Variants in DTL observed in about 807,000 individuals in gnomAD.
DTL encodes the protein denticleless E3 ubiquitin protein ligase adapter, also known as denticleless protein homolog.
In DTL, 46 loss-of-function variants were observed where a neutral mutation model predicts 87.0. That is an observed-to-expected ratio of 0.53 (90% CI 0.42 to 0.68). The LOEUF (loss-of-function observed/expected upper bound fraction) is 0.68. DTL is among the 30% of genes least tolerant of loss of function. The probability of loss-of-function intolerance (pLI) is 0.00; values close to 1 mark genes in which losing one functional copy is unlikely to be tolerated. For synonymous variants in DTL, 308 were observed against 311.2 expected, an observed-to-expected ratio of 0.99 and a Z score of 0.11; for missense variants, 737 against 869.4, an observed-to-expected ratio of 0.85 and a Z score of 1.91.
chr1:212,093,366 C>G (rs1262379601), intron 13 of DTL, among the ~76,000 whole-genome samples: 1 of 152,210 alleles, frequency 6.6e-6, no homozygotes, highest in Non-Finnish European at 1.5e-5. Context: ...TATTAGACCC[C>G]TGCCTTATCG....
chr1:212,042,454 A>G (rs770227555), intron 1 of DTL, among the ~76,000 whole-genome samples: 10 of 152,370 alleles, frequency 6.6e-5, no homozygotes, highest in Non-Finnish European at 1.2e-4. Flanking sequence ...AATATAATTT[A>G]AGGTACTATA....
At chr1:212,102,763 T>C in intron 14 of DTL, 79 bp from the exon 15 acceptor site, 1 of 984,168 alleles carries the variant, frequency 1.0e-6, no homozygotes, top group South Asian at 1.5e-5. Flanking sequence ...GGCAGCCTAA[T>C]TTAAGGTATG....
chr1:212,057,798 G>A lies in DTL; in HGVS notation c.461-5086G>A, dbSNP rs890901241. 3.3e-5 allele frequency among the ~76,000 whole-genome samples: 5 copies of A among 152,128 alleles called. No individual in the cohort carries two copies. The East Asian group carries it at 5.8e-4, about 18-fold the overall frequency. ...TTGAAAAGTACAGACTGGGCAAATA[G>A]ACAAATGTGACCTAATTATATGCTG... On this transcript the variant is annotated intron_variant, in intron 5 of 14. Coordinates refer to ENST00000366991, the MANE Select transcript of DTL (RefSeq NM_016448.4).
At chr1:212,071,592 T>C (rs1654672345) in intron 10 of DTL, among the ~76,000 whole-genome samples, 1 of 151,704 alleles carries the variant, frequency 6.6e-6, no homozygotes, top group Non-Finnish European at 1.5e-5. Context: ...TTTCACTGAT[T>C]TTTTTTTTCC....
intron 5 of DTL, among the ~76,000 whole-genome samples, chr1:212,048,179 G>C (rs555214724): frequency 6.6e-6 from 1 of 152,124 alleles, no homozygotes; most frequent in South Asian, 2.1e-4. Context: ...TAAATGGCCT[G>C]TTTTTTGTTT....
chr1:212,053,454 A>G (rs905436011), intron 5 of DTL, among the ~76,000 whole-genome samples: 1 of 152,112 alleles, frequency 6.6e-6, no homozygotes, highest in Non-Finnish European at 1.5e-5. Context: ...CAGCCTCCCA[A>G]AATGCTGGGA....
intron 13 of DTL, among the ~76,000 whole-genome samples, chr1:212,094,742 G>T (rs1655392874): frequency 6.6e-6 from 1 of 152,142 alleles, no homozygotes; most frequent in Non-Finnish European, 1.5e-5. Flanking sequence ...AGCGTAGGTT[G>T]TGTTTTTCCA....
chr1:212,064,438 T>C (rs1654432385), intron 6 of DTL, among the ~76,000 whole-genome samples: 1 of 152,192 alleles, frequency 6.6e-6, no homozygotes, highest in African/African-American at 2.4e-5. Flanking sequence ...CTGTGGATAT[T>C]GACAAATGTG....
At chr1:212,065,136 A>G (rs1654452415) in intron 7 of DTL, 107 bp downstream of exon 7, 1 of 840,404 alleles carries the variant, frequency 1.2e-6, no homozygotes. Context: ...CTCATTTGAT[A>G]TCAGTGGTTT....
rs1655682707 is a variant in DTL, at chr1:212,103,407, T to G, written c.*467T>G. On this transcript the variant is annotated 3_prime_UTR_variant, in exon 15 of 15. Transcript: ENST00000366991. ...TCTGTTCTGCCTCCAACATGTATAA[T>G]TTTATTTGAAATACATAATCTTTTC... The G allele has an allele frequency of 6.6e-6, 1 of 152,308 alleles. No homozygotes were observed. 9.4% of individuals were successfully genotyped at this position (152,308 alleles called of 1,614,324 possible).
At chr1:212,038,315 T>C (rs1183382331) in intron 1 of DTL, among the ~76,000 whole-genome samples, 1 of 152,230 alleles carries the variant, frequency 6.6e-6, no homozygotes, top group Non-Finnish European at 1.5e-5. Flanking sequence ...GTACCTGAGA[T>C]TCATTTCTAT....
In DTL at chr1:212,043,062, C is replaced by G; in HGVS notation, c.122C>G (p.Thr41Ser). Residue 41 changes from threonine to serine, a missense_variant, in exon 2 of 15, where the codon ACT becomes AGT. By Grantham distance (58) the Thr-to-Ser change is moderately conservative. Coordinates refer to ENST00000366991, the MANE Select transcript of DTL (RefSeq NM_016448.4). ...CAGTGCAGTGGTAATGATGAACACA[C>G]TTCTTATGGAGAAACAGGAGTCCCA... is the stretch of plus-strand genomic sequence containing the variant. ...GYQCSGNDEH[T>S]SYGETGVPVP... The G allele has an allele frequency of 2.5e-6, 4 of 1,613,326 alleles. No homozygotes were observed. The highest frequency in any genetic ancestry group is 3.4e-6 in the Non-Finnish European group (4 of 1,179,570).
At chr1:212,089,895 A>G (rs2102577286) in intron 13 of DTL, among the ~76,000 whole-genome samples, 2 of 152,320 alleles carry the variant, frequency 1.3e-5, no homozygotes, top group Admixed American at 1.3e-4. Flanking sequence ...TAATCGGCAT[A>G]TTATAGGACT....
At chr1:212,090,910 G>A (rs1655261893) in intron 13 of DTL, among the ~76,000 whole-genome samples, 1 of 152,222 alleles carries the variant, frequency 6.6e-6, no homozygotes, top group African/African-American at 2.4e-5. Context: ...AAGTGATTGT[G>A]CCAGGTTTTA....
intron 5 of DTL, among the ~76,000 whole-genome samples, chr1:212,054,624 T>C (rs763963257): frequency 6.6e-6 from 1 of 151,538 alleles, no homozygotes; most frequent in Non-Finnish European, 1.5e-5. Context: ...TGAAACCCTG[T>C]CTCTACCAAA....
In DTL at chr1:212,037,365, A is replaced by G. The variant is rs150188599; in HGVS notation, c.52+1423A>G. Among the ~76,000 whole-genome samples the G allele has an allele frequency of 7.1e-3, 1,075 of 152,244 alleles. 8 individuals are homozygous for G. Among genetic ancestry groups the G allele is most frequent in the South Asian group, 0.017 (83 of 4,826 alleles). ...CTTTCCTCTTCAGTGTTGGTGTTCC[A>G]TCCTTGACCCCTTTTCTTCTTCTAC... On this transcript the variant is annotated intron_variant, in intron 1 of 14. Transcript: ENST00000366991.
chr1:212,088,081 G>A (rs1287583480), intron 13 of DTL, among the ~76,000 whole-genome samples: 2 of 152,136 alleles, frequency 1.3e-5, no homozygotes, highest in African/African-American at 2.4e-5. Flanking sequence ...TTTCAAGTCC[G>A]TGTATCCCCA....
At chr1:212,075,062 A>G (rs1277016170) in intron 11 of DTL, among the ~76,000 whole-genome samples, 1 of 152,212 alleles carries the variant, frequency 6.6e-6, no homozygotes, top group African/African-American at 2.4e-5. Flanking sequence ...CTGATTTGGC[A>G]TAGTCATTCT....
intron 13 of DTL, among the ~76,000 whole-genome samples, chr1:212,090,851 A>G (rs1655260868): frequency 6.6e-6 from 1 of 152,268 alleles, no homozygotes; most frequent in Non-Finnish European, 1.5e-5. Context: ...TTTAACAGAT[A>G]TAGAATCTGA....
Sources: allele counts gnomAD v4.1 joint callset (sites outside exome capture counted in the v4.1 genomes callset), GRCh38; gene constraint gnomAD v4.1.1; transcripts MANE v1.5; gene names NCBI Gene and HGNC (gene_info 2026-07-23, HGNC 2026-07-21).